MICU2: variants seen among roughly 807,000 people sequenced by gnomAD.
The protein encoded by MICU2 is mitochondrial calcium uptake 2, also known as calcium uptake protein 2, mitochondrial.
A neutral mutation model predicts 60.4 loss-of-function variants in MICU2; 64 were observed. That is an observed-to-expected ratio of 1.06 (90% CI 0.87 to 1.31). The LOEUF is 1.31. Among genes scored for constraint, MICU2 ranks in the 50% most tolerant of loss-of-function variants. The probability of loss-of-function intolerance (pLI) is 0.00; values close to 1 mark genes in which losing one functional copy is unlikely to be tolerated. For missense variants in MICU2, 569 were observed against 531.0 expected (o/e 1.07, Z -0.70); for synonymous variants, 201 against 175.0 (o/e 1.15, Z -1.17).
intron 2 of MICU2, among the ~76,000 whole-genome samples, chr13:21,548,691 T>C (rs1941576506): frequency 6.6e-6 from 1 of 152,168 alleles, no homozygotes; most frequent in Non-Finnish European, 1.5e-5. Flanking sequence ...AGCCACCCTT[T>C]ACCACAATTG....
intron 4 of MICU2, among the ~76,000 whole-genome samples, chr13:21,539,039 A>C (rs1164129014): frequency 1.5e-5 from 2 of 130,162 alleles, no homozygotes; most frequent in Non-Finnish European, 3.6e-5. Context: ...CACTCCCCTA[A>C]GTGGTGTGGC....
At chr13:21,566,415 CTTGT>C (rs1400731803) in intron 2 of MICU2, among the ~76,000 whole-genome samples, 4 of 152,038 alleles carry the variant, frequency 2.6e-5, no homozygotes. Context: ...TTTTCAACTT[CTTGT>C]TTCTCATTTT....
chr13:21,541,721 A>G (rs1436295358), intron 2 of MICU2, among the ~76,000 whole-genome samples: 1 of 152,162 alleles, frequency 6.6e-6, no homozygotes, highest in Non-Finnish European at 1.5e-5. Context: ...TTTGAATTCC[A>G]TGACAGTAGT....
At position 21,571,813 on chromosome 13, in the gene MICU2, G is replaced by A. The variant is rs577510189; in HGVS notation, c.211-4869C>T. Among the ~76,000 whole-genome samples the A allele has an allele frequency of 1.3e-4, 20 of 152,368 alleles. 1 individual carries two copies. The highest frequency in any genetic ancestry group is 4.1e-4 in the African/African-American group (17 of 41,588). The stretch of plus-strand genomic sequence containing the variant: ...AGCAGTAGAGCAAGCTCCACTAAAG[G>A]TGGCTCTGACAGCTGGGGAGCCAGA... On this transcript the variant is annotated intron_variant, in intron 1 of 11. Transcript: ENST00000382374.
intron 1 of MICU2, among the ~76,000 whole-genome samples, chr13:21,572,488 T>C (rs1272275211): frequency 6.6e-6 from 1 of 152,218 alleles, no homozygotes; most frequent in African/African-American, 2.4e-5. Context: ...CTTTTCTCTT[T>C]GTACTTCCCC....
chr13:21,548,315 G>A (rs1467584957), intron 2 of MICU2, among the ~76,000 whole-genome samples: 1 of 152,116 alleles, frequency 6.6e-6, no homozygotes, highest in Non-Finnish European at 1.5e-5. Context: ...TCTATACTTT[G>A]TAATGTCTTA....
intron 1 of MICU2, among the ~76,000 whole-genome samples, chr13:21,588,123 G>A (rs1326426655): frequency 6.6e-6 from 1 of 152,154 alleles, no homozygotes; most frequent in Non-Finnish European, 1.5e-5. Context: ...AAAGAGCAAG[G>A]ATGGACTGCC....
chr13:21,499,662 G>A (rs376144536), intron 9 of MICU2, among the ~76,000 whole-genome samples: 21 of 151,998 alleles, frequency 1.4e-4, no homozygotes, highest in East Asian at 1.4e-3. Context: ...TGCCCGCCTC[G>A]GCCTCCCAAA....
intron 1 of MICU2, among the ~76,000 whole-genome samples, chr13:21,583,651 C>T (rs768658217): frequency 2.6e-5 from 4 of 152,182 alleles, no homozygotes; most frequent in Admixed American, 6.5e-5. Context: ...ATGGGGCTCC[C>T]GCTAAAGCAA....
At chr13:21,603,707 C>T in intron 1 of MICU2, 2 of 564,410 alleles carry the variant, frequency 3.5e-6, no homozygotes, top group South Asian at 2.2e-5. Flanking sequence ...CCGCGGGGTT[C>T]TCCCAAGGGA....
chr13:21,504,543 C>T (rs1413793288), intron 8 of MICU2, among the ~76,000 whole-genome samples: 1 of 152,058 alleles, frequency 6.6e-6, no homozygotes, highest in Non-Finnish European at 1.5e-5. Context: ...TCCCTTTAAG[C>T]CTAAAATCAT....
Position 21,539,317 on chromosome 13 carries a change from C to A in MICU2, c.451G>T (p.Asp151Tyr), listed in dbSNP as rs1281777861. ...TAGCGSTFFR[D>Y]LGDKGLISYT... ...CCAAAATTACCTTTATCGCCAAGGT[C>A]TCTGAAAAAAGTTGATCCACAGCCA... The change falls in exon 4 of 12, where the codon GAC becomes TAC. Residue 151 changes from aspartate to tyrosine, a missense_variant. Coordinates refer to ENST00000382374, the MANE Select transcript of MICU2 (RefSeq NM_152726.3). 6.2e-7 allele frequency: 1 copy of A among 1,613,966 alleles called. No individual in the cohort carries two copies. Among genetic ancestry groups the A allele is most frequent in the African/African-American group, 1.3e-5 (1 of 75,002 alleles).
At chr13:21,505,644 C>T (rs112922475) in intron 8 of MICU2, among the ~76,000 whole-genome samples, 1,638 of 152,072 alleles carry the variant, frequency 0.011, 29 homozygotes, top group African/African-American at 0.038. Flanking sequence ...TCTTTTGATC[C>T]GTGGTAGTAT....
intron 1 of MICU2, among the ~76,000 whole-genome samples, chr13:21,577,696 T>A (rs929143041): frequency 6.6e-6 from 1 of 151,318 alleles, no homozygotes; most frequent in Non-Finnish European, 1.5e-5. Context: ...TCCCAGCTAC[T>A]TGGGAGGCTG....
intron 1 of MICU2, among the ~76,000 whole-genome samples, chr13:21,594,371 C>G (rs573072704): frequency 9.2e-5 from 14 of 152,246 alleles, no homozygotes; most frequent in African/African-American, 3.1e-4. Flanking sequence ...ATTAAAAAGT[C>G]AGGAAACAAT....
intron 2 of MICU2, among the ~76,000 whole-genome samples, chr13:21,557,878 A>C (rs1280358664): frequency 6.6e-6 from 1 of 152,194 alleles, no homozygotes; most frequent in African/African-American, 2.4e-5. Context: ...TATAATCTTT[A>C]ATCATGGTTT....
chr13:21,517,799 A>ACACGCGCG (rs1244489287), intron 6 of MICU2, among the ~76,000 whole-genome samples: 12 of 136,332 alleles, frequency 8.8e-5, no homozygotes, highest in African/African-American at 2.5e-4. Flanking sequence ...ACACACACAC[A>ACACGCGCG]CGCGCGCGCG....
At chr13:21,577,167 T>C (rs1244807521) in intron 1 of MICU2, among the ~76,000 whole-genome samples, 1 of 152,220 alleles carries the variant, frequency 6.6e-6, no homozygotes, top group South Asian at 2.1e-4. Flanking sequence ...GTTAACAAGA[T>C]TTTCCTAAAA....
At chr13:21,551,335 T>C (rs1887557422) in intron 2 of MICU2, 1 of 152,412 alleles carries the variant, frequency 6.6e-6, no homozygotes, top group Admixed American at 6.5e-5. Context: ...AATTTACGTG[T>C]CATCCTTGCA....
Sources: gnomAD v4.1 joint callset for allele counts (sites outside exome capture counted in the v4.1 genomes callset) on GRCh38, gnomAD v4.1.1 for gene constraint, MANE v1.5 for transcripts, NCBI Gene and HGNC (gene_info 2026-07-23, HGNC 2026-07-21) for gene names.